SRRM4: variants seen among roughly 807,000 people sequenced by gnomAD.
The protein encoded by SRRM4 is serine/arginine repetitive matrix 4.
A neutral mutation model predicts 68.9 loss-of-function variants in SRRM4; 33 were observed. The ratio of observed to expected loss-of-function variants is 0.48; its 90% CI spans 0.36 to 0.64. The LOEUF is 0.64. SRRM4 is among the 30% of genes least tolerant of loss of function. The pLI is 0.00. For synonymous variants in SRRM4, 318 were observed against 318.8 expected (o/e 1.00, Z 0.03); for missense variants, 817 against 827.1 (o/e 0.99, Z 0.15).
chr12:119,048,167 T>C (rs1242795374), intron 1 of SRRM4, among the ~76,000 whole-genome samples: 5 of 152,156 alleles, frequency 3.3e-5, no homozygotes, highest in Admixed American at 2.0e-4. Context: ...TTAGAACCCC[T>C]ATTTTACAGT....
chr12:119,100,519 G>A (rs1470131013), intron 1 of SRRM4, among the ~76,000 whole-genome samples: 1 of 151,820 alleles, frequency 6.6e-6, no homozygotes, highest in Non-Finnish European at 1.5e-5. Flanking sequence ...CATTCAACAA[G>A]CCCTATTTTT....
intron 1 of SRRM4, among the ~76,000 whole-genome samples, chr12:119,043,118 A>G (rs566882381): frequency 6.6e-6 from 1 of 152,342 alleles, no homozygotes; most frequent in East Asian, 1.9e-4. Flanking sequence ...ACTATTCACA[A>G]TAGCAAAGAC....
intron 1 of SRRM4, among the ~76,000 whole-genome samples, chr12:119,070,467 T>C (rs1208017513): frequency 6.6e-6 from 1 of 152,078 alleles, no homozygotes; most frequent in Non-Finnish European, 1.5e-5. Flanking sequence ...TATTTCAGCT[T>C]TTGCCTTGAG....
chr12:119,109,602 G>A (rs149916170), intron 2 of SRRM4, among the ~76,000 whole-genome samples: 5,715 of 152,084 alleles, frequency 0.038, 170 homozygotes, highest in East Asian at 0.096. Context: ...TCTTCCACTT[G>A]ATTGAATTGG....
At chr12:119,130,617 A>G in intron 7 of SRRM4, 61 bp from the exon 8 acceptor site, 1 of 1,535,216 alleles carries the variant, frequency 6.5e-7, no homozygotes, top group Non-Finnish European at 8.8e-7. Context: ...TTGGTCCTGC[A>G]TACATCTCCC....
At chr12:119,038,177 C>A (rs2136009841) in intron 1 of SRRM4, among the ~76,000 whole-genome samples, 1 of 151,580 alleles carries the variant, frequency 6.6e-6, no homozygotes, top group East Asian at 2.0e-4. Context: ...CTTGCTAATA[C>A]ACTTGATTCT....
intron 3 of SRRM4, among the ~76,000 whole-genome samples, chr12:119,114,923 C>T (rs970904561): frequency 1.3e-5 from 2 of 151,904 alleles, no homozygotes; most frequent in African/African-American, 2.4e-5. Flanking sequence ...CTCGGCCTTC[C>T]AAAGTGCTGG....
intron 1 of SRRM4, among the ~76,000 whole-genome samples, chr12:119,032,092 C>A (rs188671506): frequency 6.6e-6 from 1 of 152,132 alleles, no homozygotes; most frequent in Non-Finnish European, 1.5e-5. Context: ...ACTCTTTAAT[C>A]CACAGTTCAT....
intron 4 of SRRM4, 28 bp downstream of exon 4, chr12:119,117,036 A>C (rs1232825481): frequency 2.5e-6 from 4 of 1,608,398 alleles, no homozygotes; most frequent in Non-Finnish European, 3.4e-6. Context: ...TGCAAACAAG[A>C]CCTCCCCAGG....
At chr12:119,034,365 G>A (rs899784019) in intron 1 of SRRM4, among the ~76,000 whole-genome samples, 7 of 152,218 alleles carry the variant, frequency 4.6e-5, no homozygotes, top group Admixed American at 3.3e-4. Context: ...GACTCTCAGT[G>A]GCTGGGAGGA....
intron 2 of SRRM4, among the ~76,000 whole-genome samples, chr12:119,107,940 T>C (rs891691672): frequency 2.6e-5 from 4 of 152,224 alleles, no homozygotes; most frequent in African/African-American, 7.2e-5. Flanking sequence ...CTGCTTTCTA[T>C]TGTGGGCATT....
chr12:119,011,978 T>C (rs1398836282), intron 1 of SRRM4, among the ~76,000 whole-genome samples: 2 of 152,196 alleles, frequency 1.3e-5, no homozygotes, highest in African/African-American at 2.4e-5. Flanking sequence ...TTAAGTAAGG[T>C]AACATCTGCA....
intron 1 of SRRM4, among the ~76,000 whole-genome samples, chr12:119,047,579 T>A (rs1270026939): frequency 6.6e-6 from 1 of 152,182 alleles, no homozygotes; most frequent in Non-Finnish European, 1.5e-5. Flanking sequence ...GTTAAAACAT[T>A]AATCATTTAT....
intron 1 of SRRM4, among the ~76,000 whole-genome samples, chr12:119,047,029 C>CT (rs1263246963): frequency 2.3e-5 from 1 of 42,906 alleles, no homozygotes; most frequent in East Asian, 3.8e-4. Flanking sequence ...GAGATCCCGT[C>CT]TAAAAAAAAA....
At chr12:119,047,513 G>A (rs532608927) in intron 1 of SRRM4, among the ~76,000 whole-genome samples, 1 of 152,196 alleles carries the variant, frequency 6.6e-6, no homozygotes, top group South Asian at 2.1e-4. Context: ...AGTCCCCAAA[G>A]TCCATTGAAT....
intron 1 of SRRM4, among the ~76,000 whole-genome samples, chr12:119,002,179 T>C (rs537109359): frequency 9.9e-5 from 15 of 151,836 alleles, no homozygotes; most frequent in Non-Finnish European, 2.1e-4. Flanking sequence ...TTGCCTGCCA[T>C]GCCATTAGTC....
At chr12:119,085,014 T>A (rs1410095330) in intron 1 of SRRM4, among the ~76,000 whole-genome samples, 1 of 152,136 alleles carries the variant, frequency 6.6e-6, no homozygotes, top group African/African-American at 2.4e-5. Context: ...GATTCTCCTG[T>A]CTCAGCCTCC....
At chr12:119,041,119 T>A (rs994773460) in intron 1 of SRRM4, among the ~76,000 whole-genome samples, 1 of 152,256 alleles carries the variant, frequency 6.6e-6, no homozygotes, top group Admixed American at 6.5e-5. Flanking sequence ...ATAAGCTTAT[T>A]TGATTGTTAA....
At chr12:119,080,302 C>T (rs1263180506) in intron 1 of SRRM4, among the ~76,000 whole-genome samples, 2 of 151,890 alleles carry the variant, frequency 1.3e-5, no homozygotes, top group Non-Finnish European at 2.9e-5. Context: ...AAAATATTGT[C>T]TTCACAGCAT....
Sources: gnomAD v4.1 joint callset for allele counts (sites outside exome capture counted in the v4.1 genomes callset) on GRCh38, gnomAD v4.1.1 for gene constraint, MANE v1.5 for transcripts, NCBI Gene and HGNC (gene_info 2026-07-23, HGNC 2026-07-21) for gene names.